Variants in GPATCH2 observed in about 807,000 individuals in gnomAD.
The protein encoded by GPATCH2 is G-patch domain containing 2.
In GPATCH2, 51 loss-of-function variants were observed where a neutral mutation model predicts 58.0. The observed-to-expected ratio is 0.88, with a 90% CI of 0.70 to 1.11. The LOEUF (loss-of-function observed/expected upper bound fraction) is 1.11, where lower values mean the gene tolerates loss of function less well. Ranked by LOEUF, GPATCH2 falls within the 50% of genes most tolerant of loss-of-function variation. The probability of loss-of-function intolerance (pLI) is 0.00; values close to 1 mark genes in which losing one functional copy is unlikely to be tolerated. For missense variants in GPATCH2, 625 were observed against 652.2 expected, an observed-to-expected ratio of 0.96 and a Z score of 0.45; for synonymous variants, 222 against 218.5, an observed-to-expected ratio of 1.02 and a Z score of -0.14.
At chr1:217,485,084 G>A (rs1031449112) in intron 8 of GPATCH2, among the ~76,000 whole-genome samples, 2 of 152,140 alleles carry the variant, frequency 1.3e-5, no homozygotes, top group Admixed American at 1.3e-4. Flanking sequence ...TAGGAAAGTT[G>A]GTGGAGTAAT....
At chr1:217,454,403 C>A (rs1659826724) in intron 8 of GPATCH2, among the ~76,000 whole-genome samples, 1 of 151,852 alleles carries the variant, frequency 6.6e-6, no homozygotes, top group Admixed American at 6.6e-5. Context: ...TCCTGGCTAA[C>A]ACGGTGAAAC....
chr1:217,584,344 A>AAAAAAAAAAAAAAAATAT (rs1463910405), intron 5 of GPATCH2, among the ~76,000 whole-genome samples: 1 of 101,864 alleles, frequency 9.8e-6, no homozygotes. Context: ...AAAAAAAAAA[A>AAAAAAAAAAAAAAAATAT]ATATATATAT....
intron 5 of GPATCH2, among the ~76,000 whole-genome samples, chr1:217,586,767 T>G (rs182808213): frequency 6.6e-6 from 1 of 152,288 alleles, no homozygotes; most frequent in Admixed American, 6.5e-5. Context: ...CACAAACATG[T>G]GACTAATGTA....
At chr1:217,584,036 C>A (rs1483277250) in intron 5 of GPATCH2, among the ~76,000 whole-genome samples, 1 of 151,660 alleles carries the variant, frequency 6.6e-6, no homozygotes, top group African/African-American at 2.4e-5. Flanking sequence ...GAAAAATGAT[C>A]CTGCAAAGAA....
intron 8 of GPATCH2, among the ~76,000 whole-genome samples, chr1:217,480,205 T>G (rs1052219136): frequency 2.0e-5 from 3 of 151,608 alleles, no homozygotes; most frequent in Admixed American, 6.6e-5. Context: ...AGGAGAGAAC[T>G]CAGAGAATGG....
chr1:217,447,677 G>A lies in GPATCH2; in HGVS notation c.1366+1572C>T, dbSNP rs1286284710. Among the ~76,000 whole-genome samples, 3 of 152,140 alleles carry A rather than the reference G, an allele frequency of 2.0e-5. No individual in the cohort carries two copies. In the East Asian group the frequency reaches 5.8e-4, roughly 29 times the overall value. On this transcript the variant is annotated intron_variant, in intron 9 of 9. Coordinates refer to ENST00000366935, the MANE Select transcript of GPATCH2 (RefSeq NM_018040.5). ...ATTCAATACAGCCAGAAGATGATCAGGTATGCATCTAAATGCATAATTTTA... is the reference window on the plus strand; with the variant it reads ...ATTCAATACAGCCAGAAGATGATCAAGTATGCATCTAAATGCATAATTTTA...
At chr1:217,442,126 A>ATG (rs1294483218) in intron 9 of GPATCH2, among the ~76,000 whole-genome samples, 1 of 152,210 alleles carries the variant, frequency 6.6e-6, no homozygotes, top group Non-Finnish European at 1.5e-5. Flanking sequence ...GATAAAGAAA[A>ATG]TGTGGCACAT....
intron 5 of GPATCH2, among the ~76,000 whole-genome samples, chr1:217,567,356 T>G (rs1666301850): frequency 6.6e-6 from 1 of 152,194 alleles, no homozygotes; most frequent in African/African-American, 2.4e-5. Flanking sequence ...TAAATATAGC[T>G]CTTACTTACA....
intron 5 of GPATCH2, among the ~76,000 whole-genome samples, chr1:217,565,926 A>T (rs960121517): frequency 2.0e-5 from 3 of 151,786 alleles, no homozygotes; most frequent in African/African-American, 7.3e-5. Flanking sequence ...AAATGGAGAA[A>T]CCTCATCTCT....
At chr1:217,579,768 C>T (rs1292687246) in intron 5 of GPATCH2, among the ~76,000 whole-genome samples, 3 of 152,106 alleles carry the variant, frequency 2.0e-5, no homozygotes, top group African/African-American at 7.2e-5. Context: ...AACCAGGGCA[C>T]CACCTATCTG....
intron 5 of GPATCH2, among the ~76,000 whole-genome samples, chr1:217,570,356 G>A (rs141439592): frequency 2.9e-3 from 444 of 152,004 alleles, no homozygotes; most frequent in Middle Eastern, 0.01. Flanking sequence ...CAAGTGATCC[G>A]CCCGCCTCGG....
At chr1:217,465,298 A>G (rs1660395981) in intron 8 of GPATCH2, among the ~76,000 whole-genome samples, 5 of 152,238 alleles carry the variant, frequency 3.3e-5, no homozygotes, top group Admixed American at 3.3e-4. Context: ...AAAGAAAGTG[A>G]TAGCTACGGA....
chr1:217,461,830 G>C (rs1009333787), intron 8 of GPATCH2, among the ~76,000 whole-genome samples: 4 of 152,020 alleles, frequency 2.6e-5, no homozygotes, highest in Non-Finnish European at 5.9e-5. Context: ...TTTATGAAAA[G>C]AATGCTTTCA....
intron 8 of GPATCH2, among the ~76,000 whole-genome samples, chr1:217,489,625 G>A (rs1661623410): frequency 6.6e-6 from 1 of 152,194 alleles, no homozygotes; most frequent in Non-Finnish European, 1.5e-5. Flanking sequence ...CACTTTGGGA[G>A]GCCAAGGCAA....
At chr1:217,597,940 T>C (rs1667924149) in intron 5 of GPATCH2, among the ~76,000 whole-genome samples, 1 of 152,226 alleles carries the variant, frequency 6.6e-6, no homozygotes, top group Admixed American at 6.5e-5. Context: ...TTTAATGTGC[T>C]GTCAACTGGG....
chr1:217,531,371 T>G (rs2102622805), intron 5 of GPATCH2, among the ~76,000 whole-genome samples: 1 of 152,334 alleles, frequency 6.6e-6, no homozygotes, highest in East Asian at 1.9e-4. Context: ...ATATTTTTCA[T>G]GAGAGCTGAT....
intron 8 of GPATCH2, among the ~76,000 whole-genome samples, chr1:217,458,710 TTC>T (rs1364920536): frequency 6.6e-6 from 1 of 152,202 alleles, no homozygotes; most frequent in Non-Finnish European, 1.5e-5. Context: ...CTAAAAATTT[TTC>T]TGTTTCCTAA....
intron 8 of GPATCH2, among the ~76,000 whole-genome samples, chr1:217,479,333 T>C (rs773206315): frequency 7.9e-5 from 12 of 152,156 alleles, no homozygotes; most frequent in Middle Eastern, 3.4e-3. Context: ...TTCAAGACAG[T>C]ACAAGAAGAT....
chr1:217,552,278 G>A (rs1421582391), intron 5 of GPATCH2, among the ~76,000 whole-genome samples: 1 of 151,930 alleles, frequency 6.6e-6, no homozygotes, highest in African/African-American at 2.4e-5. Flanking sequence ...CATATAAGAA[G>A]GCACTTCAAA....
Sources: allele counts gnomAD v4.1 joint callset (sites outside exome capture counted in the v4.1 genomes callset), GRCh38; gene constraint gnomAD v4.1.1; transcripts MANE v1.5; gene names NCBI Gene and HGNC (gene_info 2026-07-23, HGNC 2026-07-21).